The following GSC variants were observed in gnomAD, a reference collection of about 807,000 sequenced individuals.
GSC encodes the protein goosecoid homeobox, also known as homeobox protein goosecoid.
Under a neutral mutation model 24.5 loss-of-function variants are expected in GSC, and 13 were observed. That is an observed-to-expected ratio of 0.53 (90% CI 0.35 to 0.84). GSC has a LOEUF of 0.84. GSC is among the 40% of genes least tolerant of loss of function. The pLI is 0.01. For missense variants in GSC, 382 were observed against 384.2 expected (o/e 0.99, Z 0.05); for synonymous variants, 199 against 182.1 (o/e 1.09, Z -0.75).
chr14:94,769,973 G>A lies in GSC; in HGVS notation c.43C>T (p.Arg15Trp), dbSNP rs1240851072. 1 of 1,558,018 alleles carries A rather than the reference G, an allele frequency of 6.4e-7. No homozygotes were observed. The highest frequency in any genetic ancestry group is 1.4e-5 in the African/African-American group (1 of 73,748). The change falls in exon 1 of 3, where the codon CGG (arginine) becomes TGG (tryptophan). Residue 15 changes from arginine to tryptophan, a missense_variant. Physicochemically the swap from Arg to Trp is moderately radical, Grantham distance 101. Transcript: ENST00000238558. ...AACACCGAGTCCTTGCAGCGCGGCC[G>A]GGCGGCTAGGATGTTGTCGATGCTG... Reference protein sequence around the residue: ...MFSIDNILAARPRCKDSVLPV... With the variant: ...MFSIDNILAAWPRCKDSVLPV...
rs529130661 is a variant in GSC, at chr14:94,770,010, G to T, written c.6C>A (p.Pro2=). ...TGTTGTCGATGCTGAACATGCTGGC[G>T]GGCATCCCCGAGCCCCGCGTCGGGA... M[P]ASMFSIDNIL... Residue 2 remains proline (P), a synonymous_variant, in exon 1 of 3, where the codon CCC becomes CCA. Coordinates refer to ENST00000238558, the MANE Select transcript of GSC (RefSeq NM_173849.3). 2.0e-5 allele frequency: 31 copies of T among 1,553,270 alleles called. No individual in the cohort carries two copies. In the Admixed American group the frequency reaches 4.9e-4, roughly 24 times the overall value.
chr14:94,768,834 T>C, intron 2 of GSC, 124 bp downstream of exon 2: 1 of 1,431,194 alleles, frequency 7.0e-7, no homozygotes, highest in Non-Finnish European at 9.5e-7. Context: ...TCCAGCAGCC[T>C]GCGGGCCGCC....
At position 94,769,844 on chromosome 14, in the gene GSC, A is replaced by C; in HGVS notation, c.172T>G (p.Tyr58Asp). The C allele has an allele frequency of 6.9e-7, 1 of 1,450,214 alleles. No homozygotes were observed. Among genetic ancestry groups the C allele is most frequent in the Non-Finnish European group, 9.0e-7 (1 of 1,112,320 alleles). 89.8% of individuals were successfully genotyped at this position (1,450,214 alleles called of 1,614,324 possible). ...GGASSDYGAF[Y>D]PRPVAPGGAG... ...CCGCCGGGGGCCACGGGGCGCGGGTAGAAGGCGCCATAGTCCGAGGAGGCG... is the reference window on the plus strand; with the variant it reads ...CCGCCGGGGGCCACGGGGCGCGGGTCGAAGGCGCCATAGTCCGAGGAGGCG... The change falls in exon 1 of 3, where the codon TAC (tyrosine) becomes GAC (aspartate). Residue 58 changes from tyrosine to aspartate, a missense_variant. By Grantham distance (160) the Tyr-to-Asp change is radical. Transcript: ENST00000238558.
chr14:94,768,951 C>A lies in GSC; in HGVS notation c.615+7G>T, dbSNP rs770293346. The A allele has an allele frequency of 2.5e-5, 39 of 1,576,248 alleles. No individual in the cohort carries two copies. The South Asian group carries it at 4.1e-4, about 16-fold the overall frequency. ...GCTAGGCGCCCACGGCAGGCCCCGG[C>A]GCCTACCTCCACTTTCTCCTCGCGG... On this transcript the variant is annotated splice_region_variant and intron_variant, in intron 2 of 2. Transcript: ENST00000238558.
rs769916000 is a variant in GSC, at chr14:94,770,023, C to G, written c.-8G>C. On this transcript the variant is annotated 5_prime_UTR_variant, in exon 1 of 3. Coordinates refer to ENST00000238558, the MANE Select transcript of GSC (RefSeq NM_173849.3). The stretch of plus-strand genomic sequence containing the variant: ...GAACATGCTGGCGGGCATCCCCGAG[C>G]CCCGCGTCGGGACCGGGGGGCGGCG... The G allele has an allele frequency of 1.4e-5, 22 of 1,546,970 alleles. No individual in the cohort carries two copies. The highest frequency in any genetic ancestry group is 1.8e-5 in the Non-Finnish European group (21 of 1,154,946).
chr14:94,768,487 G>C lies in GSC; in HGVS notation c.*4C>G. 6.2e-7 allele frequency: 1 copy of C among 1,614,112 alleles called. No homozygotes were observed. The highest frequency in any genetic ancestry group is 8.5e-7 in the Non-Finnish European group (1 of 1,179,998). On this transcript the variant is annotated 3_prime_UTR_variant, in exon 3 of 3. Transcript: ENST00000238558. The stretch of plus-strand genomic sequence containing the variant: ...AAGTAATACGGGCAAGTGTCCCGCG[G>C]CCGTCAGCTGTCCGAGTCCAAATCG...
intron 1 of GSC, among the ~76,000 whole-genome samples, chr14:94,769,431 A>G (rs1885238213): frequency 6.6e-6 from 1 of 152,190 alleles, no homozygotes; most frequent in Admixed American, 6.5e-5. Context: ...ATTCAAAACA[A>G]AACAAAACAA....
In GSC at chr14:94,769,649, G is replaced by C. The variant is rs1413450239; in HGVS notation, c.355+12C>G. ...CAGTGGGCGGCAGAGGCCGGAGCGAGCGCGACCCTACCTGGGGGCGTCGGG... is the reference window on the plus strand; with the variant it reads ...CAGTGGGCGGCAGAGGCCGGAGCGACCGCGACCCTACCTGGGGGCGTCGGG... On this transcript the variant is annotated intron_variant, in intron 1 of 2. Transcript: ENST00000238558. 50 of 1,416,670 alleles carry C rather than the reference G, an allele frequency of 3.5e-5. No individual in the cohort carries two copies. Among genetic ancestry groups the C allele is most frequent in the Non-Finnish European group, 4.5e-5 (49 of 1,096,844 alleles). The allele number at this position is 1,416,670 out of a possible 1,614,324, so 87.8% of individuals were successfully genotyped here.
Position 94,769,657 on chromosome 14 carries a change from C to A in GSC, c.355+4G>T. 7.0e-7 allele frequency: 1 copy of A among 1,429,516 alleles called. No homozygotes were observed. Among genetic ancestry groups the A allele is most frequent in the Non-Finnish European group, 9.1e-7 (1 of 1,102,142 alleles). The allele number at this position is 1,429,516 out of a possible 1,614,324, so 88.6% of individuals were successfully genotyped here. On this transcript the variant is annotated splice_donor_region_variant and intron_variant, in intron 1 of 2. Transcript: ENST00000238558. Reference sequence around the variant, plus strand: ...GGCAGAGGCCGGAGCGAGCGCGACCCTACCTGGGGGCGTCGGGACGCAGGA... The same window carrying A: ...GGCAGAGGCCGGAGCGAGCGCGACCATACCTGGGGGCGTCGGGACGCAGGA...
At position 94,769,650 on chromosome 14, in the gene GSC, C is replaced by T. The variant is rs537374182; in HGVS notation, c.355+11G>A. On this transcript the variant is annotated intron_variant, in intron 1 of 2. Transcript: ENST00000238558. ...AGTGGGCGGCAGAGGCCGGAGCGAG[C>T]GCGACCCTACCTGGGGGCGTCGGGA... The T allele has an allele frequency of 1.4e-6, 2 of 1,415,856 alleles. No homozygotes were observed. The highest frequency in any genetic ancestry group is 1.8e-6 in the Non-Finnish European group (2 of 1,096,072). The allele number at this position is 1,415,856 out of a possible 1,614,324, so 87.7% of individuals were successfully genotyped here. A position where few individuals can be genotyped will look rare whatever the true frequency, so the allele number is the denominator to read the frequency against.
intron 2 of GSC, 128 bp downstream of exon 2, chr14:94,768,830 A>G (rs535597760): frequency 7.0e-7 from 1 of 1,419,876 alleles, no homozygotes; most frequent in African/African-American, 1.4e-5. Context: ...GCCCTCCAGC[A>G]GCCTGCGGGC....
rs773813335 is a variant in GSC, at chr14:94,768,527, T to A, written c.738A>T (p.Glu246Asp). The A allele has an allele frequency of 6.2e-7, 1 of 1,614,196 alleles. No individual in the cohort carries two copies. Among genetic ancestry groups the A allele is most frequent in the African/African-American group, 1.3e-5 (1 of 75,058 alleles). Reference sequence around the variant, plus strand: ...AGTCCAAATCGCTTTTACCTTCCTCTTCCCTCTTCTCCGGTGACGCCTTCG... The same window carrying A: ...AGTCCAAATCGCTTTTACCTTCCTCATCCCTCTTCTCCGGTGACGCCTTCG... ...SSSKASPEKR[E>D]EEGKSDLDSD... Residue 246 changes from glutamate to aspartate, a missense_variant, in exon 3 of 3, where the codon GAA (glutamate) becomes GAT (aspartate). By Grantham distance (45) the Glu-to-Asp change is conservative. Coordinates refer to ENST00000238558, the MANE Select transcript of GSC (RefSeq NM_173849.3).
chr14:94,770,033 G>A lies in GSC; in HGVS notation c.-18C>T, dbSNP rs775407198. On this transcript the variant is annotated 5_prime_UTR_variant, in exon 1 of 3. Coordinates refer to ENST00000238558, the MANE Select transcript of GSC (RefSeq NM_173849.3). ...GCGGGCATCCCCGAGCCCCGCGTCGGGACCGGGGGGCGGCGGGAACGCGCC... is the reference window on the plus strand; with the variant it reads ...GCGGGCATCCCCGAGCCCCGCGTCGAGACCGGGGGGCGGCGGGAACGCGCC... The A allele has an allele frequency of 4.5e-6, 7 of 1,542,018 alleles. No homozygotes were observed. In the African/African-American group the frequency reaches 6.9e-5, roughly 15 times the overall value.
chr14:94,769,709 C>T lies in GSC; in HGVS notation c.307G>A (p.Val103Met). 3 of 1,447,702 alleles carry T rather than the reference C, an allele frequency of 2.1e-6. No individual in the cohort carries two copies. The highest frequency in any genetic ancestry group is 9.0e-7 in the Non-Finnish European group (1 of 1,109,026). The allele number at this position is 1,447,702 out of a possible 1,614,324, so 89.7% of individuals were successfully genotyped here. ...APVGPACCGA[V>M]PPLGAQQCSC... The stretch of plus-strand genomic sequence containing the variant: ...CACTGCTGGGCGCCCAGCGGCGGCA[C>T]GGCCCCGCAGCAGGCCGGGCCCACG... Residue 103 changes from valine to methionine, a missense_variant, in exon 1 of 3, where the codon GTG (valine) becomes ATG (methionine). Physicochemically the swap from Val to Met is conservative, Grantham distance 21. Transcript: ENST00000238558.
At position 94,768,993 on chromosome 14, in the gene GSC, C is replaced by G; in HGVS notation, c.580G>C (p.Ala194Pro). 6.3e-7 allele frequency: 1 copy of G among 1,595,342 alleles called. No homozygotes were observed. Among genetic ancestry groups the G allele is most frequent in the Non-Finnish European group, 8.5e-7 (1 of 1,171,944 alleles). The change falls in exon 2 of 3, where the codon GCC (alanine) becomes CCC (proline). Residue 194 changes from alanine (A) to proline (P), a missense_variant. Ala to Pro is a conservative substitution (Grantham distance 27, BLOSUM62 -1). Transcript: ENST00000238558. ...TCCTCGCGGAGGTGCACTTTCCGGGCCAGCTGCTCGCGCGTGCCCACGTCC... is the reference window on the plus strand; with the variant it reads ...TCCTCGCGGAGGTGCACTTTCCGGGGCAGCTGCTCGCGCGTGCCCACGTCC... ...YPDVGTREQL[A>P]RKVHLREEKV...
rs1430405915 is a variant in GSC, at chr14:94,769,112, T to C, written c.461A>G (p.Gln154Arg). 4.4e-6 allele frequency: 7 copies of C among 1,587,490 alleles called. No homozygotes were observed. The highest frequency in any genetic ancestry group is 6.0e-6 in the Non-Finnish European group (7 of 1,167,554). Residue 154 changes from glutamine to arginine, a missense_variant, in exon 2 of 3, where the codon CAG becomes CGG. Coordinates refer to ENST00000238558, the MANE Select transcript of GSC (RefSeq NM_173849.3). Reference protein sequence around the residue: ...LSRTELQLLNQLHCRRKRRHR... With the variant: ...LSRTELQLLNRLHCRRKRRHR... Reference sequence around the variant, plus strand: ...CCGCCGCTTCCGCCGACAGTGCAGCTGGTTGAGAAGCTGCAGCTCGGTGCG... The same window carrying C: ...CCGCCGCTTCCGCCGACAGTGCAGCCGGTTGAGAAGCTGCAGCTCGGTGCG...
chr14:94,769,653 G>C lies in GSC; in HGVS notation c.355+8C>G. On this transcript the variant is annotated splice_region_variant and intron_variant, in intron 1 of 2. Coordinates refer to ENST00000238558, the MANE Select transcript of GSC (RefSeq NM_173849.3). ...GGGCGGCAGAGGCCGGAGCGAGCGC[G>C]ACCCTACCTGGGGGCGTCGGGACGC... 4 of 1,420,210 alleles carry C rather than the reference G, an allele frequency of 2.8e-6. No individual in the cohort carries two copies. The highest frequency in any genetic ancestry group is 3.6e-6 in the Non-Finnish European group (4 of 1,098,328). 88.0% of individuals were successfully genotyped at this position (1,420,210 alleles called of 1,614,324 possible).
Position 94,768,547 on chromosome 14 carries a change from C to A in GSC, c.718G>T (p.Ala240Ser). Reference protein sequence around the residue: ...EKWNKTSSSKASPEKREEEGK... With the variant: ...EKWNKTSSSKSSPEKREEEGK... ...TCCTCTTCCCTCTTCTCCGGTGACGCCTTCGACGACGACGTCTTGTTCCAC... is the reference window on the plus strand; with the variant it reads ...TCCTCTTCCCTCTTCTCCGGTGACGACTTCGACGACGACGTCTTGTTCCAC... The change falls in exon 3 of 3, where the codon GCG (alanine) becomes TCG (serine). Residue 240 changes from alanine (A) to serine (S), a missense_variant. Transcript: ENST00000238558. The A allele has an allele frequency of 6.2e-7, 1 of 1,614,210 alleles. No homozygotes were observed. The highest frequency in any genetic ancestry group is 8.5e-7 in the Non-Finnish European group (1 of 1,180,036).
intron 2 of GSC, 84 bp downstream of exon 2, chr14:94,768,874 C>T: frequency 2.0e-6 from 3 of 1,517,360 alleles, no homozygotes; most frequent in Non-Finnish European, 2.7e-6. Context: ...GCGGGGAGAG[C>T]CAAGCAGGGC....
Sources: gnomAD v4.1 joint callset for allele counts (sites outside exome capture counted in the v4.1 genomes callset) on GRCh38, gnomAD v4.1.1 for gene constraint, MANE v1.5 for transcripts, NCBI Gene and HGNC (gene_info 2026-07-23, HGNC 2026-07-21) for gene names.